Variants in PROM2 observed in about 807,000 individuals in gnomAD.
The protein encoded by PROM2 is prominin 2, also known as prominin-2.
PROM2 carries 90 observed loss-of-function variants against 110.2 expected under a neutral mutation model. The ratio of observed to expected loss-of-function variants is 0.82; its 90% confidence interval spans 0.69 to 0.97. The LOEUF is 0.97. Among genes scored for constraint, PROM2 ranks in the 50% least tolerant of loss-of-function variants. The pLI, the probability that PROM2 is intolerant of heterozygous loss-of-function variation, is 0.00. For missense variants in PROM2, 1,009 were observed against 1,074.8 expected (o/e 0.94, Z 0.86); for synonymous variants, 470 against 467.8 (o/e 1.00, Z -0.06).
In PROM2 at chr2:95,275,313, G is replaced by A. The variant is rs1676580831; in HGVS notation, c.245-148G>A. On this transcript the variant is annotated intron_variant, in intron 1 of 23. Transcript: ENST00000317620. This position sits in a 1 kb window ranked among gnomAD's most constrained non-coding sequence, Gnocchi z 4.4. ...TGAGGTCAGGGCAGGATGGCACAGGGCTGCGGTGATGCAGCCTTCTGCGAG... is the reference window on the plus strand; with the variant it reads ...TGAGGTCAGGGCAGGATGGCACAGGACTGCGGTGATGCAGCCTTCTGCGAG... The A allele has an allele frequency of 1.4e-6, 1 of 714,102 alleles. No individual in the cohort carries two copies. The highest frequency in any genetic ancestry group is 2.4e-6 in the Non-Finnish European group (1 of 423,628). The allele number at this position is 714,102 out of a possible 1,614,324, so 44.2% of individuals were successfully genotyped here.
At position 95,287,114 on chromosome 2, in the gene PROM2, A is replaced by C. The variant is rs1191511106; in HGVS notation, c.2095-19A>C. 5.0e-6 allele frequency: 8 copies of C among 1,609,454 alleles called. No homozygotes were observed. In the African/African-American group the frequency reaches 6.7e-5, roughly 13 times the overall value. ...TGCGTGAATGTGGGACACTGAGTTG[A>C]GGCTCTCGTCCCCTCCAGCTGGAGA... is the stretch of plus-strand genomic sequence containing the variant. On this transcript the variant is annotated intron_variant, in intron 18 of 23. Transcript: ENST00000317620.
intron 16 of PROM2, among the ~76,000 whole-genome samples, chr2:95,286,139 A>G (rs1487566750): frequency 1.3e-5 from 2 of 152,204 alleles, no homozygotes; most frequent in Admixed American, 6.5e-5. Flanking sequence ...TTTTGTATTT[A>G]TAACTATTTA....
Position 95,282,123 on chromosome 2 carries a change from AC to A in PROM2, c.1644-15del. 6.2e-7 allele frequency: 1 copy of A among 1,611,138 alleles called. No homozygotes were observed. On this transcript the variant is annotated intron_variant, in intron 13 of 23. Transcript: ENST00000317620. ...GCCACCCCCAAGGCTCATCGTCTGC[AC>A]CCCTCACTCCTCCTCAGGCAGTGCA... is the stretch of plus-strand genomic sequence containing the variant.
chr2:95,287,532 C>T (rs1337055059), intron 20 of PROM2, 68 bp downstream of exon 20: 34 of 1,497,798 alleles, frequency 2.3e-5, no homozygotes, highest in South Asian at 1.2e-5. Context: ...CCCTGCTCTG[C>T]CCCGCCCCCG....
chr2:95,287,087 G>T, intron 18 of PROM2, 46 bp from the exon 19 acceptor site: 1 of 1,533,036 alleles, frequency 6.5e-7, no homozygotes, highest in Non-Finnish European at 9.0e-7. Flanking sequence ...TTAATGAATG[G>T]ATGCGTGAAT....
At position 95,283,533 on chromosome 2, in the gene PROM2, G is replaced by A. The variant is rs141792843; in HGVS notation, c.1728+1307G>A. Among the ~76,000 whole-genome samples, 112 of 152,270 alleles carry A rather than the reference G, an allele frequency of 7.4e-4. 3 individuals are homozygous for A. The East Asian group carries it at 0.015, about 20-fold the overall frequency. On this transcript the variant is annotated intron_variant, in intron 14 of 23. Transcript: ENST00000317620. ...GCCACTGATGCCTGAGACACGGCCC[G>A]AAGGCCCCCACCCGAGAGGGCCAGG... is the stretch of plus-strand genomic sequence containing the variant.
Position 95,274,462 on chromosome 2 carries a change from C to A in PROM2, c.-124C>A. The stretch of plus-strand genomic sequence containing the variant: ...GGCGGGAGGCCAGGTAGCTCAGGAA[C>A]CCAAACCTGTCGGGCAGGTTTTGAG... On this transcript the variant is annotated 5_prime_UTR_variant, in exon 1 of 24. Transcript: ENST00000317620. The A allele has an allele frequency of 1.5e-6, 2 of 1,311,934 alleles. No homozygotes were observed. The highest frequency in any genetic ancestry group is 1.0e-6 in the Non-Finnish European group (1 of 991,700). The allele number at this position is 1,311,934 out of a possible 1,614,324, so 81.3% of individuals were successfully genotyped here. A position where few individuals can be genotyped will look rare whatever the true frequency, so the allele number is the denominator to read the frequency against.
In PROM2 at chr2:95,287,161, T is replaced by A. The variant is rs768221237; in HGVS notation, c.2123T>A (p.Val708Asp). The A allele has an allele frequency of 6.2e-7, 1 of 1,613,860 alleles. No individual in the cohort carries two copies. The highest frequency in any genetic ancestry group is 1.3e-5 in the African/African-American group (1 of 74,872). Residue 708 changes from valine (V) to aspartate (D), a missense_variant, in exon 19 of 24, where the codon GTC (valine) becomes GAC (aspartate). Physicochemically the swap from Val to Asp is radical, Grantham distance 152. Transcript: ENST00000317620. ...QLETSDVLAN[V>D]TYLKGELPAW... ...GAGACCTCAGATGTCCTAGCCAATG[T>A]CACCTACCTGAAAGGAGAGCTGCCT...
chr2:95,274,843 T>C lies in PROM2; in HGVS notation c.244+14T>C. 2.6e-6 allele frequency: 4 copies of C among 1,510,808 alleles called. No homozygotes were observed. The highest frequency in any genetic ancestry group is 3.6e-6 in the Non-Finnish European group (4 of 1,125,972). The allele number at this position is 1,510,808 out of a possible 1,614,324, so 93.6% of individuals were successfully genotyped here. ...CTTTCCCTTCAGGTGAGTGTGCCCC[T>C]CCCCCATGAGGGCCTCAGCATTTGG... On this transcript the variant is annotated intron_variant, in intron 1 of 23. Transcript: ENST00000317620.
intron 14 of PROM2, among the ~76,000 whole-genome samples, chr2:95,284,577 A>G (rs1270531880): frequency 6.6e-6 from 1 of 152,172 alleles, no homozygotes; most frequent in Non-Finnish European, 1.5e-5. Context: ...TACAGGAAGC[A>G]TGGCACCGGC....
chr2:95,277,385 ACCTGC>A lies in PROM2; in HGVS notation c.795_799del (p.His265GlnfsTer30). ...TCAGTCCTGCAGGTCTCCGTGCACCACCTGCAAACCTTGAATGCTACAGTGGTAGA... is the reference window on the plus strand; with the variant it reads ...TCAGTCCTGCAGGTCTCCGTGCACCAAAACCTTGAATGCTACAGTGGTAGA... On this transcript the variant is annotated frameshift_variant, in exon 7 of 24. Coordinates refer to ENST00000317620, the MANE Select transcript of PROM2 (RefSeq NM_001165978.3). LOFTEE classifies it high-confidence loss of function. 6.2e-7 allele frequency: 1 copy of A among 1,612,318 alleles called. No homozygotes were observed.
chr2:95,275,353 G>A lies in PROM2; in HGVS notation c.245-108G>A. The A allele has an allele frequency of 9.5e-7, 1 of 1,048,356 alleles. No homozygotes were observed. Among genetic ancestry groups the A allele is most frequent in the Non-Finnish European group, 1.4e-6 (1 of 706,318 alleles). 64.9% of individuals were successfully genotyped at this position (1,048,356 alleles called of 1,614,324 possible). A position where few individuals can be genotyped will look rare whatever the true frequency, so the allele number is the denominator to read the frequency against. Reference sequence around the variant, plus strand: ...CCTTCTGCGAGGGTGCCATGGTGGTGGCAGGAGCCCTGCCTCAGAGCCACT... The same window carrying A: ...CCTTCTGCGAGGGTGCCATGGTGGTAGCAGGAGCCCTGCCTCAGAGCCACT... On this transcript the variant is annotated intron_variant, in intron 1 of 23. Transcript: ENST00000317620. The surrounding 1 kb of genome is among the most constrained non-coding windows in gnomAD (Gnocchi z 4.4).
In PROM2 at chr2:95,287,125, C is replaced by T. The variant is rs202178589; in HGVS notation, c.2095-8C>T. The T allele has an allele frequency of 2.3e-5, 37 of 1,613,270 alleles. No homozygotes were observed. In the South Asian group the frequency reaches 2.7e-4, roughly 12 times the overall value. ...GGGACACTGAGTTGAGGCTCTCGTC[C>T]CCTCCAGCTGGAGACCTCAGATGTC... On this transcript the variant is annotated splice_polypyrimidine_tract_variant and splice_region_variant and intron_variant, in intron 18 of 23. Coordinates refer to ENST00000317620, the MANE Select transcript of PROM2 (RefSeq NM_001165978.3).
rs1676597839 is a variant in PROM2, at chr2:95,275,588, C to T, written c.294+78C>T. 6.5e-7 allele frequency: 1 copy of T among 1,543,074 alleles called. No homozygotes were observed. The highest frequency in any genetic ancestry group is 8.8e-7 in the Non-Finnish European group (1 of 1,130,546). ...GGGTGGGAGCAGAAAAGCCTTGGCT[C>T]CCCTTAGCCCACCTCGCTGGGTGTC... On this transcript the variant is annotated intron_variant, in intron 2 of 23. Transcript: ENST00000317620. The surrounding 1 kb of genome is among the most constrained non-coding windows in gnomAD (Gnocchi z 4.4).
chr2:95,289,272 G>A lies in PROM2; in HGVS notation c.*59G>A, dbSNP rs1677562034. 1.9e-5 allele frequency: 10 copies of A among 518,626 alleles called. No individual in the cohort carries two copies. The allele number at this position is 518,626 out of a possible 1,614,324, so 32.1% of individuals were successfully genotyped here. A position where few individuals can be genotyped will look rare whatever the true frequency, so the allele number is the denominator to read the frequency against. On this transcript the variant is annotated 3_prime_UTR_variant, in exon 24 of 24. Transcript: ENST00000317620. ...TGTCCTCCCCTTTGATTTAGCCTGG[G>A]CCACAGGACTTCGGTAGCTCTTGCC...
chr2:95,279,757 G>A, intron 10 of PROM2, 88 bp from the exon 11 acceptor site: 2 of 1,162,208 alleles, frequency 1.7e-6, no homozygotes. Flanking sequence ...GGGGTTAGAG[G>A]CCACACCCGG....
rs748953685 is a variant in PROM2, at chr2:95,282,219, T to C, written c.1721T>C (p.Ile574Thr). 2 of 1,612,456 alleles carry C rather than the reference T, an allele frequency of 1.2e-6. No individual in the cohort carries two copies. Among genetic ancestry groups the C allele is most frequent in the Admixed American group, 3.3e-5 (2 of 59,968 alleles). ...DSYDLEEHLD[I>T]NQYTNKLRQE... ...TACGACCTGGAGGAGCACCTGGATA[T>C]CAACCAGGTGAGAGAACGTTTTGGA... Residue 574 changes from isoleucine (I) to threonine (T), a missense_variant, in exon 14 of 24, where the codon ATC becomes ACC. By Grantham distance (89) the Ile-to-Thr change is moderately conservative. Coordinates refer to ENST00000317620, the MANE Select transcript of PROM2 (RefSeq NM_001165978.3).
Position 95,282,175 on chromosome 2 carries a change from C to A in PROM2, c.1677C>A (p.Val559=), listed in dbSNP as rs764136473. The change falls in exon 14 of 24, where the codon GTC becomes GTA. Residue 559 remains valine, a synonymous_variant. Transcript: ENST00000317620. ...QCKEGAALWT[V]LQLNDSYDLE... ...AGGAAGGGGCAGCGCTCTGGACAGT[C>A]CTGCAGCTCAACGACTCCTACGACC... is the stretch of plus-strand genomic sequence containing the variant. The A allele has an allele frequency of 1.9e-6, 3 of 1,613,992 alleles. No individual in the cohort carries two copies. The highest frequency in any genetic ancestry group is 3.3e-5 in the Admixed American group (2 of 60,004).
chr2:95,275,327 G>A lies in PROM2; in HGVS notation c.245-134G>A. 1 of 786,278 alleles carries A rather than the reference G, an allele frequency of 1.3e-6. No individual in the cohort carries two copies. The highest frequency in any genetic ancestry group is 1.8e-5 in the South Asian group (1 of 57,118). 48.7% of individuals were successfully genotyped at this position (786,278 alleles called of 1,614,324 possible). The stretch of plus-strand genomic sequence containing the variant: ...GATGGCACAGGGCTGCGGTGATGCA[G>A]CCTTCTGCGAGGGTGCCATGGTGGT... On this transcript the variant is annotated intron_variant, in intron 1 of 23. Transcript: ENST00000317620. The surrounding 1 kb of genome is among the most constrained non-coding windows in gnomAD (Gnocchi z 4.4).
Sources: allele counts gnomAD v4.1 joint callset (sites outside exome capture counted in the v4.1 genomes callset), GRCh38; gene constraint gnomAD v4.1.1; non-coding constraint Gnocchi (gnomAD v3.1); transcripts MANE v1.5; gene names NCBI Gene and HGNC (gene_info 2026-07-23, HGNC 2026-07-21).